IL17B: variants seen among roughly 807,000 people sequenced by gnomAD.
IL17B encodes the protein interleukin 17B.
IL17B carries 14 observed loss-of-function variants against 14.7 expected under a neutral mutation model. The ratio of observed to expected loss-of-function variants is 0.95; its 90% CI spans 0.63 to 1.49. The LOEUF (loss-of-function observed/expected upper bound fraction) is 1.49. IL17B is among the 40% of genes most tolerant of loss of function. IL17B has a pLI of 0.00. For missense variants in IL17B, 233 were observed against 252.8 expected, an observed-to-expected ratio of 0.92 and a Z score of 0.53; for synonymous variants, 105 against 94.8, an observed-to-expected ratio of 1.11 and a Z score of -0.62.
chr5:149,384,723 G>A (rs1208942736), intron 1 of IL17B, among the ~76,000 whole-genome samples: 16 of 152,110 alleles, frequency 1.1e-4, no homozygotes, highest in Admixed American at 1.0e-3. Context: ...CCAATCAGGT[G>A]GCACAGAGCA....
intron 1 of IL17B, among the ~76,000 whole-genome samples, chr5:149,378,847 T>C (rs939223418): frequency 6.6e-6 from 1 of 152,024 alleles, no homozygotes; most frequent in African/African-American, 2.4e-5. Flanking sequence ...CCTCCCTCAC[T>C]CTCCAGATGG....
chr5:149,381,303 G>A (rs1417653495), upstream of IL17B, among the ~76,000 whole-genome samples: 2 of 152,260 alleles, frequency 1.3e-5, no homozygotes, highest in Non-Finnish European at 2.9e-5. Context: ...CCCAGCCCCA[G>A]AGATGCTGAA....
At chr5:149,401,614 A>G (rs13155787) in intron 1 of IL17B, among the ~76,000 whole-genome samples, 16,313 of 152,158 alleles carry the variant, frequency 0.11, 1,158 homozygotes, top group East Asian at 0.23. Flanking sequence ...GTGTGGTAGC[A>G]TATGCCTGTA....
upstream of IL17B, among the ~76,000 whole-genome samples, chr5:149,380,390 A>C (rs1758662625): frequency 6.6e-6 from 1 of 152,188 alleles, no homozygotes; most frequent in South Asian, 2.1e-4. Context: ...TATAAACATT[A>C]GTTGTTCTAA....
intron 1 of IL17B, among the ~76,000 whole-genome samples, chr5:149,400,539 C>A (rs1651581071): frequency 6.6e-6 from 1 of 152,192 alleles, no homozygotes; most frequent in South Asian, 2.1e-4. Flanking sequence ...GCAGGAGTGA[C>A]CTCCTAACCC....
intron 1 of IL17B, among the ~76,000 whole-genome samples, chr5:149,386,115 G>A (rs1290773127): frequency 6.6e-6 from 1 of 152,240 alleles, no homozygotes; most frequent in East Asian, 1.9e-4. Flanking sequence ...GGGTCAGAGA[G>A]TGCTGTTTTT....
chr5:149,391,613 C>T (rs958941558), intron 1 of IL17B, among the ~76,000 whole-genome samples: 1 of 152,218 alleles, frequency 6.6e-6, no homozygotes, highest in Non-Finnish European at 1.5e-5. Context: ...GGCTACTACC[C>T]ATTCCTCCAA....
At chr5:149,384,068 G>T (rs1167704442), upstream of IL17B, among the ~76,000 whole-genome samples, 1 of 152,194 alleles carries the variant, frequency 6.6e-6, no homozygotes, top group African/African-American at 2.4e-5. Flanking sequence ...CTTTCTAAGT[G>T]CCTTTGCTGG....
At chr5:149,382,805 CGCCCAA>C (rs914567284), upstream of IL17B, among the ~76,000 whole-genome samples, 2 of 152,232 alleles carry the variant, frequency 1.3e-5, no homozygotes, top group Admixed American at 6.5e-5. Flanking sequence ...ACTAAACCCA[CGCCCAA>C]GCCCAAGTCA....
chr5:149,388,707 G>C (rs1477434702), intron 1 of IL17B, among the ~76,000 whole-genome samples: 1 of 152,154 alleles, frequency 6.6e-6, no homozygotes. Context: ...ATGCTACATA[G>C]CCTGTGCAGG....
At chr5:149,402,503 C>T (rs1010375728) in intron 1 of IL17B, among the ~76,000 whole-genome samples, 8 of 152,064 alleles carry the variant, frequency 5.3e-5, no homozygotes, top group African/African-American at 1.7e-4. Context: ...TACCTTTGGG[C>T]ACTCCACAGT....
intron 1 of IL17B, among the ~76,000 whole-genome samples, chr5:149,392,310 A>G (rs1758986002): frequency 6.6e-6 from 1 of 152,254 alleles, no homozygotes; most frequent in African/African-American, 2.4e-5. Flanking sequence ...CTGTTAGTAC[A>G]ATAGCATCCT....
chr5:149,390,019 A>G (rs77432766), intron 1 of IL17B, among the ~76,000 whole-genome samples: 1 of 152,280 alleles, frequency 6.6e-6, no homozygotes, highest in East Asian at 1.9e-4. Flanking sequence ...CTGGAAGGGG[A>G]TATTTAATTT....
chr5:149,392,953 TGTGTGCGTGTGTGTGCGCGCGTGC>T (rs1383163645), intron 1 of IL17B, among the ~76,000 whole-genome samples: 1 of 150,716 alleles, frequency 6.6e-6, no homozygotes, highest in Non-Finnish European at 1.5e-5. Context: ...TGTGCGTGCG[TGTGTGCGTGTGTGTGCGCGCGTGC>T]GTGTGTGTGT....
intron 1 of IL17B, among the ~76,000 whole-genome samples, chr5:149,384,539 T>C (rs1328518738): frequency 6.6e-6 from 1 of 152,260 alleles, no homozygotes; most frequent in Non-Finnish European, 1.5e-5. Flanking sequence ...CAGAGTGCTC[T>C]GAACCTCATC....
At chr5:149,385,634 C>T (rs1466405516) in intron 1 of IL17B, among the ~76,000 whole-genome samples, 1 of 152,214 alleles carries the variant, frequency 6.6e-6, no homozygotes, top group African/African-American at 2.4e-5. Flanking sequence ...AGGCGCCAGG[C>T]CCCCTGCCCA....
chr5:149,390,688 G>C (rs1432691121), intron 1 of IL17B, among the ~76,000 whole-genome samples: 1 of 150,602 alleles, frequency 6.6e-6, no homozygotes, highest in Non-Finnish European at 1.5e-5. Flanking sequence ...AACGCTTAAA[G>C]CTAGGTAAGT....
At chr5:149,380,822 G>T (rs550739524), upstream of IL17B, among the ~76,000 whole-genome samples, 6 of 152,360 alleles carry the variant, frequency 3.9e-5, no homozygotes, top group African/African-American at 1.4e-4. Context: ...TCTGTCCGGG[G>T]CAGGCTTCCA....
chr5:149,382,670 G>T (rs1197384629), upstream of IL17B, among the ~76,000 whole-genome samples: 1 of 152,230 alleles, frequency 6.6e-6, no homozygotes, highest in Non-Finnish European at 1.5e-5. Flanking sequence ...AGTAAGGAGA[G>T]GGGCGGCAGC....
Sources: allele counts gnomAD v4.1 joint callset (sites outside exome capture counted in the v4.1 genomes callset), GRCh38; gene constraint gnomAD v4.1.1; transcripts MANE v1.5; gene names NCBI Gene and HGNC (gene_info 2026-07-23, HGNC 2026-07-21).